Variants in ARHGEF18 observed in about 807,000 individuals in gnomAD.
ARHGEF18 encodes the protein Rho/Rac guanine nucleotide exchange factor 18, also known as rho guanine nucleotide exchange factor 18.
ARHGEF18 carries 93 observed loss-of-function variants against 155.7 expected under a neutral mutation model. That is an observed-to-expected ratio of 0.60 (90% CI 0.50 to 0.71). The LOEUF (loss-of-function observed/expected upper bound fraction) is 0.71, where lower values mean the gene tolerates loss of function less well. Among genes scored for constraint, ARHGEF18 ranks in the 30% least tolerant of loss-of-function variants. The pLI is 0.00. For missense variants in ARHGEF18, 1,593 were observed against 1,816.1 expected (o/e 0.88, Z 2.23); for synonymous variants, 742 against 753.1 (o/e 0.99, Z 0.24).
chr19:7,397,415 G>A (rs1433838214), intron 10 of ARHGEF18, among the ~76,000 whole-genome samples: 2 of 151,878 alleles, frequency 1.3e-5, no homozygotes, highest in Non-Finnish European at 2.9e-5. Flanking sequence ...ACAGACACGC[G>A]CTTCCATGTC....
chr19:7,417,944 G>A (rs985569042), intron 10 of ARHGEF18, among the ~76,000 whole-genome samples: 1 of 152,194 alleles, frequency 6.6e-6, no homozygotes, highest in Non-Finnish European at 1.5e-5. Flanking sequence ...AAGGTCTCTG[G>A]TGCATATTTT....
chr19:7,470,500 G>C lies in ARHGEF18; in HGVS notation c.*202G>C. On this transcript the variant is annotated 3_prime_UTR_variant, in exon 29 of 29. Transcript: ENST00000668164. This position sits in a 1 kb window ranked among gnomAD's most constrained non-coding sequence, Gnocchi z 5.9. ...CTGTAGGGTTAGCGGTGGTGCCGGG[G>C]TCACTTTCTGAATCTCTTTTTTTTT... 2.3e-6 allele frequency: 1 copy of C among 440,316 alleles called. No individual in the cohort carries two copies. The highest frequency in any genetic ancestry group is 3.5e-5 in the East Asian group (1 of 28,170). 27.3% of individuals were successfully genotyped at this position (440,316 alleles called of 1,614,324 possible).
chr19:7,478,242 G>A, the ARHGEF18 span: 1 of 1,513,780 alleles, frequency 6.6e-7, no homozygotes, highest in Non-Finnish European at 9.0e-7. Context: ...CTGCACAGGG[G>A]TGGCTGCGAG....
chr19:7,475,357 C>G (rs79059610), downstream of ARHGEF18, among the ~76,000 whole-genome samples: 1 of 151,938 alleles, frequency 6.6e-6, no homozygotes, highest in Non-Finnish European at 1.5e-5. Context: ...CTGGGGGCTG[C>G]GGGTGGGTAA....
chr19:7,475,643 C>A (rs55664500), downstream of ARHGEF18, among the ~76,000 whole-genome samples: 2,117 of 152,302 alleles, frequency 0.014, 16 homozygotes, highest in Middle Eastern at 0.031. Flanking sequence ...CTGGGCTCCA[C>A]ATGGTCAGTG....
chr19:7,450,267 G>A (rs887566232), intron 15 of ARHGEF18, among the ~76,000 whole-genome samples: 62 of 145,378 alleles, frequency 4.3e-4, no homozygotes, highest in Admixed American at 3.3e-3. Flanking sequence ...GTCCATTTCC[G>A]AGATGTTAAT....
intron 27 of ARHGEF18, 109 bp from the exon 28 acceptor site, chr19:7,469,794 TG>T (rs1976901907): frequency 1.5e-6 from 2 of 1,352,630 alleles, no homozygotes; most frequent in South Asian, 1.4e-5. Flanking sequence ...AGGCCGCCCG[TG>T]GGAAGTGTCA....
chr19:7,406,499 T>C (rs748898545), intron 10 of ARHGEF18, among the ~76,000 whole-genome samples: 1 of 152,322 alleles, frequency 6.6e-6, no homozygotes, highest in Middle Eastern at 3.4e-3. Flanking sequence ...CGTGTGCCTA[T>C]ACTCCATATA....
At chr19:7,408,713 G>GCAAACTCT (rs1972484993) in intron 10 of ARHGEF18, among the ~76,000 whole-genome samples, 1 of 152,164 alleles carries the variant, frequency 6.6e-6, no homozygotes, top group Non-Finnish European at 1.5e-5. Context: ...CAAGCCTGGG[G>GCAAACTCT]GTGTTCAACA....
chr19:7,449,973 T>C (rs994937173), intron 15 of ARHGEF18, among the ~76,000 whole-genome samples: 2 of 152,190 alleles, frequency 1.3e-5, no homozygotes, highest in Non-Finnish European at 2.9e-5. Context: ...CCACCACATC[T>C]GTCCTTTGGT....
chr19:7,478,411 C>G, the ARHGEF18 span: 107 of 1,588,140 alleles, frequency 6.7e-5, 2 homozygotes, highest in South Asian at 1.0e-3. Context: ...GATGCCCCGG[C>G]GGGGAGCAGG....
intron 10 of ARHGEF18, among the ~76,000 whole-genome samples, chr19:7,438,959 G>A (rs62109765): frequency 0.31 from 46,610 of 151,652 alleles, 7,587 homozygotes; most frequent in Middle Eastern, 0.47. Flanking sequence ...TGCAACCTCC[G>A]ACTCCCGGGT....
chr19:7,394,521 C>A (rs1230835481), intron 10 of ARHGEF18, among the ~76,000 whole-genome samples: 3 of 152,006 alleles, frequency 2.0e-5, no homozygotes, highest in Non-Finnish European at 4.4e-5. Flanking sequence ...TTCCAAAACA[C>A]CCCCAGCTCC....
chr19:7,356,586 C>T (rs971395402), intron 1 of ARHGEF18, among the ~76,000 whole-genome samples: 1 of 152,122 alleles, frequency 6.6e-6, no homozygotes, highest in Admixed American at 6.6e-5. Context: ...CAAAGAGACA[C>T]TTCTTAATGC....
chr19:7,374,920 CA>C (rs1219547522), intron 3 of ARHGEF18, among the ~76,000 whole-genome samples: 1 of 152,178 alleles, frequency 6.6e-6, no homozygotes, highest in African/African-American at 2.4e-5. Flanking sequence ...ATAGTAGAGG[CA>C]GGGGGTGCTC....
chr19:7,427,861 G>C (rs551168864), intron 10 of ARHGEF18, among the ~76,000 whole-genome samples: 1 of 151,980 alleles, frequency 6.6e-6, no homozygotes, highest in South Asian at 2.1e-4. Context: ...CACAAGAATT[G>C]GTCGAATCTG....
At chr19:7,456,717 G>A (rs1208935667) in intron 18 of ARHGEF18, among the ~76,000 whole-genome samples, 1 of 152,092 alleles carries the variant, frequency 6.6e-6, no homozygotes, top group Non-Finnish European at 1.5e-5. Flanking sequence ...CTCCCGCCTG[G>A]GCAACAGAGC....
chr19:7,356,516 C>T (rs1442492064), intron 1 of ARHGEF18, among the ~76,000 whole-genome samples: 2 of 152,170 alleles, frequency 1.3e-5, no homozygotes, highest in South Asian at 2.1e-4. Flanking sequence ...GCAGGTGATC[C>T]ACCTGCCTCG....
intron 10 of ARHGEF18, among the ~76,000 whole-genome samples, chr19:7,429,815 G>A (rs1435430974): frequency 5.9e-5 from 9 of 152,104 alleles, no homozygotes. Context: ...CCACGGAGAG[G>A]GTGCTGTCTC....
Sources: allele counts gnomAD v4.1 joint callset (sites outside exome capture counted in the v4.1 genomes callset), GRCh38; gene constraint gnomAD v4.1.1; non-coding constraint Gnocchi (gnomAD v3.1); transcripts MANE v1.5; gene names NCBI Gene and HGNC (gene_info 2026-07-23, HGNC 2026-07-21).